The following MAF variants were observed in gnomAD, a reference collection of about 807,000 sequenced individuals.
MAF encodes the protein transcription factor Maf.
In MAF, 10 loss-of-function variants were observed where a neutral mutation model predicts 22.0. The observed-to-expected ratio is 0.45, with a 90% CI of 0.28 to 0.77. The LOEUF is 0.77. Among genes scored for constraint, MAF ranks in the 30% least tolerant of loss-of-function variants. The pLI, the probability that MAF is intolerant of heterozygous loss-of-function variation, is 0.12. For missense variants in MAF, 544 were observed against 548.4 expected (o/e 0.99, Z 0.08); for synonymous variants, 337 against 255.8 (o/e 1.32, Z -3.03).
the MAF span, among the ~76,000 whole-genome samples, chr16:79,366,001 G>T: frequency 1.3e-5 from 2 of 152,152 alleles, no homozygotes; most frequent in East Asian, 3.9e-4. Context: ...ATACATTTTT[G>T]CAAGCACATG....
At chr16:79,275,028 G>A in the MAF span, among the ~76,000 whole-genome samples, 1 of 152,168 alleles carries the variant, frequency 6.6e-6, no homozygotes, top group Non-Finnish European at 1.5e-5. Flanking sequence ...TATACAGAAT[G>A]GACAAAATAA....
At chr16:79,362,933 C>T in the MAF span, among the ~76,000 whole-genome samples, 74 of 152,212 alleles carry the variant, frequency 4.9e-4, no homozygotes, top group Admixed American at 4.2e-3. Flanking sequence ...TGATTCCCTG[C>T]ATTAAGCTTC....
chr16:79,227,516 A>T, the MAF span, among the ~76,000 whole-genome samples: 1 of 152,014 alleles, frequency 6.6e-6, no homozygotes, highest in South Asian at 2.1e-4. Context: ...GAGTAACGGT[A>T]CTGTAATTGT....
chr16:79,433,482 G>C, the MAF span, among the ~76,000 whole-genome samples: 2 of 151,872 alleles, frequency 1.3e-5, no homozygotes, highest in Non-Finnish European at 2.9e-5. Context: ...GTGGCTCTGA[G>C]CTTCTTGGTG....
At chr16:79,551,433 C>T in the MAF span, among the ~76,000 whole-genome samples, 1,926 of 152,304 alleles carry the variant, frequency 0.013, 21 homozygotes, top group Non-Finnish European at 0.023. Context: ...GCAATACAGG[C>T]ATAACCAAGC....
At chr16:79,454,574 A>G in the MAF span, among the ~76,000 whole-genome samples, 1 of 152,218 alleles carries the variant, frequency 6.6e-6, no homozygotes, top group Non-Finnish European at 1.5e-5. Flanking sequence ...TACTAATTAC[A>G]GGAATCATGC....
the MAF span, among the ~76,000 whole-genome samples, chr16:79,437,477 C>T: frequency 9.9e-5 from 15 of 152,068 alleles, no homozygotes; most frequent in Admixed American, 3.3e-4. Flanking sequence ...TCATTAAAGT[C>T]GGGCTGATGG....
At chr16:79,523,710 GA>G in the MAF span, among the ~76,000 whole-genome samples, 12 of 152,198 alleles carry the variant, frequency 7.9e-5, no homozygotes, top group Admixed American at 7.9e-4. Context: ...CCATTTTACA[GA>G]AGGGGAAGCT....
chr16:79,447,681 T>C, the MAF span, among the ~76,000 whole-genome samples: 1 of 151,632 alleles, frequency 6.6e-6, no homozygotes, highest in Non-Finnish European at 1.5e-5. Flanking sequence ...TAATAGGAGT[T>C]TGTAAGAAGT....
the MAF span, among the ~76,000 whole-genome samples, chr16:79,535,891 C>A: frequency 1.3e-5 from 2 of 152,154 alleles, no homozygotes; most frequent in Admixed American, 1.3e-4. Context: ...TTTAGTTCAG[C>A]TTTAGAAGCA....
At chr16:79,454,158 G>A in the MAF span, among the ~76,000 whole-genome samples, 1 of 152,180 alleles carries the variant, frequency 6.6e-6, no homozygotes, top group Admixed American at 6.5e-5. Flanking sequence ...GATTCTAAGA[G>A]ATTAAGCGAT....
the MAF span, among the ~76,000 whole-genome samples, chr16:79,421,925 G>C: frequency 6.6e-6 from 1 of 152,288 alleles, no homozygotes; most frequent in East Asian, 1.9e-4. Context: ...TCACAGGCAT[G>C]TGCCATCACA....
the MAF span, among the ~76,000 whole-genome samples, chr16:79,574,152 G>A: frequency 6.6e-6 from 1 of 152,226 alleles, no homozygotes; most frequent in Non-Finnish European, 1.5e-5. Flanking sequence ...ACAAGGCAGA[G>A]TGAAGAGTGC....
At chr16:79,278,091 AG>A in the MAF span, among the ~76,000 whole-genome samples, 1 of 152,222 alleles carries the variant, frequency 6.6e-6, no homozygotes, top group African/African-American at 2.4e-5. Context: ...AGTGAATACA[AG>A]TTTGCTTCTT....
the MAF span, among the ~76,000 whole-genome samples, chr16:79,496,602 T>A: frequency 6.6e-6 from 1 of 152,238 alleles, no homozygotes; most frequent in Admixed American, 6.5e-5. Flanking sequence ...TGCCTTCATC[T>A]ATATAAATCG....
At position 79,599,468 on chromosome 16, in the gene MAF, A is replaced by G. The variant is rs1204014121; in HGVS notation, c.435T>C (p.Gly145=). 1 of 1,363,016 alleles carries G rather than the reference A, an allele frequency of 7.3e-7. No homozygotes were observed. Among genetic ancestry groups the G allele is most frequent in the Non-Finnish European group, 9.4e-7 (1 of 1,067,932 alleles). The allele number at this position is 1,363,016 out of a possible 1,614,324, so 84.4% of individuals were successfully genotyped here. Residue 145 remains glycine, a synonymous_variant, in exon 1 of 2, where the codon GGT becomes GGC. Coordinates refer to ENST00000326043, the MANE Select transcript of MAF (RefSeq NM_005360.5). ...AQQLAAAAGA[G]AGASLGGSGE... is the part of the protein sequence containing the mutation. Reference sequence around the variant, plus strand: ...CGCTGCCGCCCAAGGAGGCGCCGGCACCGGCCCCGGCCGCCGCGGCCAGCT... The same window carrying G: ...CGCTGCCGCCCAAGGAGGCGCCGGCGCCGGCCCCGGCCGCCGCGGCCAGCT...
At chr16:79,309,157 T>G in the MAF span, among the ~76,000 whole-genome samples, 1 of 152,232 alleles carries the variant, frequency 6.6e-6, no homozygotes, top group Non-Finnish European at 1.5e-5. Context: ...GGGGTGCTCT[T>G]CAATAAGCCA....
chr16:79,383,097 G>A, the MAF span, among the ~76,000 whole-genome samples: 173 of 152,252 alleles, frequency 1.1e-3, 1 homozygote, highest in African/African-American at 3.2e-3. Flanking sequence ...TGGTATACTT[G>A]ATAAAATGTA....
the MAF span, among the ~76,000 whole-genome samples, chr16:79,556,030 G>C: frequency 1.3e-5 from 2 of 151,968 alleles, no homozygotes; most frequent in African/African-American, 2.4e-5. Flanking sequence ...GTTTAGTTTA[G>C]TTTGTTTAGT....
Sources: allele counts gnomAD v4.1 joint callset (sites outside exome capture counted in the v4.1 genomes callset), GRCh38; gene constraint gnomAD v4.1.1; transcripts MANE v1.5; gene names NCBI Gene and HGNC (gene_info 2026-07-23, HGNC 2026-07-21).